The following MAPKBP1 variants were observed in gnomAD, a reference collection of about 807,000 sequenced individuals.
MAPKBP1 encodes mitogen-activated protein kinase-binding protein 1.
In MAPKBP1, 71 loss-of-function variants were observed where a neutral mutation model predicts 170.5. That is an observed-to-expected ratio of 0.42 (90% CI 0.34 to 0.51). MAPKBP1 has a LOEUF of 0.51. MAPKBP1 is among the 20% of genes least tolerant of loss of function. MAPKBP1 has a pLI of 0.06. For missense variants in MAPKBP1, 1,598 were observed against 1,933.0 expected (o/e 0.83, Z 3.25); for synonymous variants, 719 against 757.9 (o/e 0.95, Z 0.84).
chr15:41,783,602 G>A (rs984444571), intron 2 of MAPKBP1, among the ~76,000 whole-genome samples: 2 of 152,142 alleles, frequency 1.3e-5, no homozygotes, highest in African/African-American at 2.4e-5. Flanking sequence ...GAGGTCTAAA[G>A]GCCTCTGCTT....
At chr15:41,790,691 G>A (rs1169445496) in intron 2 of MAPKBP1, among the ~76,000 whole-genome samples, 1 of 152,174 alleles carries the variant, frequency 6.6e-6, no homozygotes, top group Admixed American at 6.5e-5. Context: ...AGTCTTTGTG[G>A]TATAGATGGA....
chr15:41,784,397 T>A (rs2064244361), intron 2 of MAPKBP1, among the ~76,000 whole-genome samples: 1 of 152,116 alleles, frequency 6.6e-6, no homozygotes, highest in Non-Finnish European at 1.5e-5. Context: ...CCCCAGCTAC[T>A]CTGGAGGCTG....
rs750286191 is a variant in MAPKBP1 at position 41,822,295 on chromosome 15, TGAA to T, written c.3108_3110del (p.Glu1041del). On this transcript the variant is annotated inframe_deletion, in exon 26 of 31. Coordinates refer to ENST00000457542, the MANE Select transcript of MAPKBP1 (RefSeq NM_014994.3). ...ACCTTGAAGAGCCAGCTGAGGGTGATGAAGAAGAGGAAGAAGAGGAGGGAGGCA... is the reference window on the plus strand; with the variant it reads ...ACCTTGAAGAGCCAGCTGAGGGTGATGAAGAGGAAGAAGAGGAGGGAGGCA... The T allele has an allele frequency of 1.2e-6, 2 of 1,613,918 alleles. No individual in the cohort carries two copies. Among genetic ancestry groups the T allele is most frequent in the Non-Finnish European group, 8.5e-7 (1 of 1,179,962 alleles).
intron 3 of MAPKBP1, among the ~76,000 whole-genome samples, chr15:41,809,411 T>A (rs1306198480): frequency 1.3e-5 from 2 of 152,110 alleles, no homozygotes; most frequent in Non-Finnish European, 2.9e-5. Context: ...AATTTGCATA[T>A]CAAAGTGGTT....
At chr15:41,805,559 C>G (rs2064675924) in intron 3 of MAPKBP1, among the ~76,000 whole-genome samples, 1 of 152,236 alleles carries the variant, frequency 6.6e-6, no homozygotes, top group Admixed American at 6.5e-5. Context: ...TATCTGGCAG[C>G]TAAGAAGAGA....
chr15:41,776,605 A>G (rs1316035793), intron 2 of MAPKBP1, among the ~76,000 whole-genome samples: 1 of 151,966 alleles, frequency 6.6e-6, no homozygotes, highest in African/African-American at 2.4e-5. Context: ...CTTAGATATG[A>G]CTCTGTTCAT....
Position 41,812,669 on chromosome 15 carries a change from T to C in MAPKBP1, c.636+16T>C. On this transcript the variant is annotated intron_variant, in intron 7 of 30. Transcript: ENST00000457542. ...GACCTCAAAGGTGAGGTGCTGAAGCTGGGAGTAGCCACCAAGGCCCCTGGC... is the reference window on the plus strand; with the variant it reads ...GACCTCAAAGGTGAGGTGCTGAAGCCGGGAGTAGCCACCAAGGCCCCTGGC... The C allele has an allele frequency of 6.3e-7, 1 of 1,577,346 alleles. No homozygotes were observed. The highest frequency in any genetic ancestry group is 8.6e-7 in the Non-Finnish European group (1 of 1,161,290).
chr15:41,817,045 G>A lies in MAPKBP1; in HGVS notation c.1711+10G>A, dbSNP rs771221921. 2 of 1,573,730 alleles carry A rather than the reference G, an allele frequency of 1.3e-6. No individual in the cohort carries two copies. Among genetic ancestry groups the A allele is most frequent in the East Asian group, 4.5e-5 (2 of 44,360 alleles). On this transcript the variant is annotated intron_variant, in intron 14 of 30. Coordinates refer to ENST00000457542, the MANE Select transcript of MAPKBP1 (RefSeq NM_014994.3). The surrounding 1 kb of genome is among the most constrained non-coding windows in gnomAD (Gnocchi z 4.2). Reference sequence around the variant, plus strand: ...GCTGTTAAGTTTGCAGGTGCGGGCAGGGTGAATGAGACACATCCTGCCACT... The same window carrying A: ...GCTGTTAAGTTTGCAGGTGCGGGCAAGGTGAATGAGACACATCCTGCCACT...
In MAPKBP1 at chr15:41,812,609, C is replaced by A; in HGVS notation, c.592C>A (p.Arg198=). ...DCSYFVTAGN[R]HIKFWYLDDS... ...CAGCTACTTTGTCACTGCAGGCAAC[C>A]GACACATCAAATTCTGGTATCTCGA... The change falls in exon 7 of 31, where the codon CGA becomes AGA. Residue 198 remains arginine (R), a synonymous_variant. Transcript: ENST00000457542. The A allele has an allele frequency of 1.2e-6, 2 of 1,613,552 alleles. No individual in the cohort carries two copies. The highest frequency in any genetic ancestry group is 1.7e-6 in the Non-Finnish European group (2 of 1,179,682).
Position 41,823,263 on chromosome 15 carries a change from A to T in MAPKBP1, c.3598+41A>T, listed in dbSNP as rs769943518. ...GGTTCAGTGCCAGGGTGCAGGGTGT[A>T]TGGAACACATGTACATGCTGGAGGA... On this transcript the variant is annotated intron_variant, in intron 28 of 30. Transcript: ENST00000457542. The T allele has an allele frequency of 1.9e-6, 3 of 1,593,604 alleles. No individual in the cohort carries two copies. The South Asian group carries it at 3.4e-5, about 18-fold the overall frequency.
chr15:41,786,775 AAAATAT>A (rs1199998495), intron 2 of MAPKBP1, among the ~76,000 whole-genome samples: 357 of 12,432 alleles, frequency 0.029, 4 homozygotes, highest in East Asian at 0.099. Flanking sequence ...AAAAAAAAAA[AAAATAT>A]ATATATATAT....
rs544170888 is a variant in MAPKBP1, at chr15:41,808,510, T to C, written c.207-2373T>C. ...TTTTTTTTGAGACAGAGTCTAGTTC[T>C]TGTCGCCCAGGCTGGACTGCAATGG... On this transcript the variant is annotated intron_variant, in intron 3 of 30. Coordinates refer to ENST00000457542, the MANE Select transcript of MAPKBP1 (RefSeq NM_014994.3). Among the ~76,000 whole-genome samples the C allele has an allele frequency of 2.1e-5, 3 of 142,966 alleles. No homozygotes were observed. In the East Asian group the frequency reaches 6.5e-4, roughly 31 times the overall value. 93.8% of individuals were successfully genotyped at this position (142,966 alleles called of 152,430 possible).
intron 3 of MAPKBP1, among the ~76,000 whole-genome samples, chr15:41,802,014 A>C (rs531952272): frequency 2.6e-5 from 4 of 152,176 alleles, no homozygotes; most frequent in African/African-American, 4.8e-5. Flanking sequence ...GGTATAGCCT[A>C]CTACATACCT....
At chr15:41,824,405 CCTGTT>C in intron 29 of MAPKBP1, 74 bp from the exon 30 acceptor site, 2 of 1,343,584 alleles carry the variant, frequency 1.5e-6, no homozygotes, top group Non-Finnish European at 2.1e-6. Flanking sequence ...CTAGGTCTCT[CCTGTT>C]CTGAGTGTCT....
intron 2 of MAPKBP1, among the ~76,000 whole-genome samples, chr15:41,782,039 G>T (rs1467696867): frequency 6.7e-6 from 1 of 149,084 alleles, no homozygotes. Flanking sequence ...ATGAGGTCAG[G>T]AGATCGAGAC....
chr15:41,822,124 C>T lies in MAPKBP1; in HGVS notation c.3031+14C>T. 1 of 1,293,570 alleles carries T rather than the reference C, an allele frequency of 7.7e-7. No homozygotes were observed. The highest frequency in any genetic ancestry group is 1.0e-6 in the Non-Finnish European group (1 of 956,502). The allele number at this position is 1,293,570 out of a possible 1,614,324, so 80.1% of individuals were successfully genotyped here. On this transcript the variant is annotated intron_variant, in intron 25 of 30. Transcript: ENST00000457542. ...ACCCCACTGAAGGTGAGGCTGTAGCCTGGAGGGAGGGGCCATGGGGGGTGG... is the reference window on the plus strand; with the variant it reads ...ACCCCACTGAAGGTGAGGCTGTAGCTTGGAGGGAGGGGCCATGGGGGGTGG...
chr15:41,806,988 C>T (rs961222088), intron 3 of MAPKBP1, among the ~76,000 whole-genome samples: 1 of 152,172 alleles, frequency 6.6e-6, no homozygotes, highest in Non-Finnish European at 1.5e-5. Context: ...TGTGTAGCTG[C>T]GACCGTGGTT....
chr15:41,824,472 C>A lies in MAPKBP1; in HGVS notation c.4214-12C>A. 1 of 1,580,558 alleles carries A rather than the reference C, an allele frequency of 6.3e-7. No individual in the cohort carries two copies. The highest frequency in any genetic ancestry group is 8.6e-7 in the Non-Finnish European group (1 of 1,162,890). On this transcript the variant is annotated splice_polypyrimidine_tract_variant and intron_variant, in intron 29 of 30. Transcript: ENST00000457542. ...ATGCTGGGCCTCACTGAGCTGTATC[C>A]GTCTCTTTCAGAGCCAGCGGTGAGC...
chr15:41,825,620 G>A lies in MAPKBP1; in HGVS notation c.*184G>A. The A allele has an allele frequency of 1.9e-6, 1 of 538,200 alleles. No individual in the cohort carries two copies. The highest frequency in any genetic ancestry group is 4.9e-4 in the Middle Eastern group (1 of 2,028). 33.3% of individuals were successfully genotyped at this position (538,200 alleles called of 1,614,324 possible). A position where few individuals can be genotyped will look rare whatever the true frequency, so the allele number is the denominator to read the frequency against. The stretch of plus-strand genomic sequence containing the variant: ...TATTTATTAATTTATTTCCCTGACT[G>A]TTGCCTCACTTCCTTGGAACTCCTG... On this transcript the variant is annotated 3_prime_UTR_variant, in exon 31 of 31. Transcript: ENST00000457542.
Sources: gnomAD v4.1 joint callset for allele counts (sites outside exome capture counted in the v4.1 genomes callset) on GRCh38, gnomAD v4.1.1 for gene constraint, Gnocchi (gnomAD v3.1) non-coding constraint, MANE v1.5 for transcripts, NCBI Gene and HGNC (gene_info 2026-07-23, HGNC 2026-07-21) for gene names.